Variants in SNX29 observed in about 807,000 individuals in gnomAD.
SNX29 encodes the protein sorting nexin-29.
In SNX29, 78 loss-of-function variants were observed where a neutral mutation model predicts 102.1. The ratio of observed to expected loss-of-function variants is 0.76; its 90% CI spans 0.64 to 0.92. The LOEUF is 0.92. Ranked by LOEUF, SNX29 falls within the 40% of genes least tolerant of loss-of-function variation. SNX29 has a pLI of 0.00. For missense variants in SNX29, 1,280 were observed against 1,061.7 expected (o/e 1.21, Z -2.86); for synonymous variants, 580 against 414.5 (o/e 1.40, Z -4.85).
chr16:12,548,478 C>T (rs926451112), intron 20 of SNX29, among the ~76,000 whole-genome samples: 1 of 152,198 alleles, frequency 6.6e-6, no homozygotes, highest in East Asian at 1.9e-4. Context: ...ACCGGGCTTT[C>T]AGGATGACTA....
chr16:12,424,124 G>A (rs1209313196), intron 18 of SNX29, among the ~76,000 whole-genome samples: 4 of 152,228 alleles, frequency 2.6e-5, no homozygotes, highest in Non-Finnish European at 5.9e-5. Flanking sequence ...TTAAGAGGAT[G>A]ACTTTGTACT....
intron 14 of SNX29, among the ~76,000 whole-genome samples, chr16:12,203,267 TGCGTA>T (rs2141989278): frequency 1.3e-5 from 2 of 151,532 alleles, no homozygotes; most frequent in East Asian, 1.9e-4. Flanking sequence ...TTTCTGAAGT[TGCGTA>T]GTGTGGCCCC....
chr16:12,019,804 T>G (rs2056967034), intron 3 of SNX29, among the ~76,000 whole-genome samples: 1 of 151,688 alleles, frequency 6.6e-6, no homozygotes, highest in South Asian at 2.1e-4. Flanking sequence ...ACCCGACTTT[T>G]TTTTGTATTT....
At chr16:12,006,783 T>C (rs756681844) in intron 3 of SNX29, among the ~76,000 whole-genome samples, 77 of 152,116 alleles carry the variant, frequency 5.1e-4, no homozygotes, top group Non-Finnish European at 8.1e-4. Context: ...CATACCTGGC[T>C]AATTTTTGTA....
At chr16:12,386,931 C>T (rs960928973) in intron 16 of SNX29, among the ~76,000 whole-genome samples, 1 of 151,938 alleles carries the variant, frequency 6.6e-6, no homozygotes, top group African/African-American at 2.4e-5. Context: ...TCAAGACTAG[C>T]CTGGCTGACA....
At chr16:12,023,009 G>T (rs1286394283) in intron 3 of SNX29, among the ~76,000 whole-genome samples, 1 of 149,620 alleles carries the variant, frequency 6.7e-6, no homozygotes, top group African/African-American at 2.5e-5. Flanking sequence ...GAATTCTCCT[G>T]CTCCAGCCTT....
chr16:12,279,941 G>A (rs980920049), intron 15 of SNX29, among the ~76,000 whole-genome samples: 12 of 152,180 alleles, frequency 7.9e-5, no homozygotes, highest in African/African-American at 2.9e-4. Flanking sequence ...CAGTGAGGGT[G>A]CCTACTTCGC....
At chr16:12,509,309 G>A (rs2089508211) in intron 19 of SNX29, among the ~76,000 whole-genome samples, 1 of 152,194 alleles carries the variant, frequency 6.6e-6, no homozygotes, top group Admixed American at 6.5e-5. Context: ...CCATCTGTCA[G>A]CCCAGCGAGC....
chr16:12,034,012 G>A (rs920205084), intron 4 of SNX29, among the ~76,000 whole-genome samples: 2 of 152,044 alleles, frequency 1.3e-5, no homozygotes, highest in African/African-American at 4.8e-5. Flanking sequence ...CATTTTCCCA[G>A]GAAGCCAAAC....
intron 19 of SNX29, among the ~76,000 whole-genome samples, chr16:12,508,824 A>G (rs1301231277): frequency 1.3e-5 from 2 of 152,138 alleles, no homozygotes; most frequent in African/African-American, 4.8e-5. Context: ...CTCCCCAGCC[A>G]TGTCCTACCC....
At chr16:12,520,013 A>G (rs1302280387) in intron 19 of SNX29, among the ~76,000 whole-genome samples, 2 of 152,052 alleles carry the variant, frequency 1.3e-5, no homozygotes, top group East Asian at 3.9e-4. Context: ...AAAAATAATA[A>G]TAATAATAAT....
chr16:12,505,996 T>C (rs2089361071), intron 19 of SNX29, among the ~76,000 whole-genome samples: 1 of 152,222 alleles, frequency 6.6e-6, no homozygotes. Flanking sequence ...AGTCTCGCTC[T>C]GTCACCCAGG....
intron 16 of SNX29, among the ~76,000 whole-genome samples, chr16:12,362,287 C>A (rs62039994): frequency 0.51 from 77,913 of 151,720 alleles, 20,503 homozygotes; most frequent in Non-Finnish European, 0.58. Flanking sequence ...CTCCCTTTAG[C>A]CTGGAAGGCT....
At chr16:12,487,122 T>A (rs1364700596) in intron 19 of SNX29, among the ~76,000 whole-genome samples, 1 of 152,210 alleles carries the variant, frequency 6.6e-6, no homozygotes, top group Non-Finnish European at 1.5e-5. Context: ...TTATGAGGAT[T>A]GAAGGTGGTT....
At chr16:12,411,546 G>C (rs1002678537) in intron 18 of SNX29, among the ~76,000 whole-genome samples, 3 of 152,220 alleles carry the variant, frequency 2.0e-5, no homozygotes, top group African/African-American at 7.2e-5. Context: ...TTTCCAAATA[G>C]GAAGAATTTT....
chr16:12,390,314 C>T (rs371489493), intron 16 of SNX29, among the ~76,000 whole-genome samples: 5 of 152,096 alleles, frequency 3.3e-5, no homozygotes, highest in Admixed American at 6.5e-5. Context: ...TCATAGGTTT[C>T]CCCCGTCGGA....
At position 12,503,271 on chromosome 16, in the gene SNX29, T is replaced by C. The variant is rs536696697; in HGVS notation, c.2179-21431T>C. 9.9e-5 allele frequency among the ~76,000 whole-genome samples: 15 copies of C among 152,220 alleles called. No individual in the cohort carries two copies. The South Asian group carries it at 3.1e-3, about 32-fold the overall frequency. On this transcript the variant is annotated intron_variant, in intron 19 of 20. Coordinates refer to ENST00000566228, the MANE Select transcript of SNX29 (RefSeq NM_032167.5). ...GTGAAGCAGGTGCTGGATAAATAAT[T>C]AATAGGGTGGGAAGAATGTGGAGAG...
At chr16:12,036,887 A>G (rs1366062938) in intron 4 of SNX29, among the ~76,000 whole-genome samples, 2 of 152,198 alleles carry the variant, frequency 1.3e-5, no homozygotes, top group Non-Finnish European at 2.9e-5. Flanking sequence ...GAAAAAAAAG[A>G]TGAAGGACAT....
chr16:12,574,085 A>G lies in SNX29; in HGVS notation c.*5456A>G, dbSNP rs554608756. On this transcript the variant is annotated 3_prime_UTR_variant, in exon 21 of 21. Transcript: ENST00000566228. ...CTAGAAGTCTGTGGAAACGCCCTGA[A>G]ACCTGTAGTATTATCTTAACTACCC... 3 of 190,532 alleles carry G rather than the reference A, an allele frequency of 1.6e-5. No homozygotes were observed. The highest frequency in any genetic ancestry group is 4.6e-5 in the African/African-American group (2 of 43,064). 11.8% of individuals were successfully genotyped at this position (190,532 alleles called of 1,614,324 possible). A position where few individuals can be genotyped will look rare whatever the true frequency, so the allele number is the denominator to read the frequency against.
Sources: gnomAD v4.1 joint callset for allele counts (sites outside exome capture counted in the v4.1 genomes callset) on GRCh38, gnomAD v4.1.1 for gene constraint, MANE v1.5 for transcripts, NCBI Gene and HGNC (gene_info 2026-07-23, HGNC 2026-07-21) for gene names.